Variants in STK40 observed in about 807,000 individuals in gnomAD.
STK40 encodes the protein serine/threonine kinase 40.
Under a neutral mutation model 47.9 loss-of-function variants are expected in STK40, and 13 were observed. That is an observed-to-expected ratio of 0.27 (90% CI 0.18 to 0.43). STK40 has a LOEUF of 0.43. Among genes scored for constraint, STK40 ranks in the 20% least tolerant of loss-of-function variants. STK40 has a pLI of 1.00. For missense variants in STK40, 460 were observed against 595.1 expected, an observed-to-expected ratio of 0.77 and a Z score of 2.36; for synonymous variants, 225 against 243.2, an observed-to-expected ratio of 0.93 and a Z score of 0.69.
intron 4 of STK40, among the ~76,000 whole-genome samples, chr1:36,356,936 A>G (rs1646811263): frequency 6.6e-6 from 1 of 152,146 alleles, no homozygotes; most frequent in South Asian, 2.1e-4. Flanking sequence ...TTATGGGGAT[A>G]CTCTAATTTT....
intron 7 of STK40, among the ~76,000 whole-genome samples, chr1:36,345,874 C>T (rs1005135425): frequency 2.7e-5 from 4 of 149,924 alleles, no homozygotes; most frequent in African/African-American, 5.0e-5. Flanking sequence ...CCTGGGCAGG[C>T]GACCTTCCCT....
intron 1 of STK40, among the ~76,000 whole-genome samples, chr1:36,371,050 T>C (rs982784452): frequency 6.6e-6 from 1 of 151,892 alleles, no homozygotes; most frequent in Non-Finnish European, 1.5e-5. Context: ...TTAATTTTTG[T>C]ATTTTTAGTA....
intron 1 of STK40, chr1:36,366,109 C>A (rs999863962): frequency 6.6e-6 from 1 of 152,404 alleles, no homozygotes; most frequent in African/African-American, 2.4e-5. Flanking sequence ...AGTAAGCCAC[C>A]TCTTTCTTTC....
At chr1:36,342,844 G>A (rs1467489032) in intron 10 of STK40, 1 of 305,178 alleles carries the variant, frequency 3.3e-6, no homozygotes, top group Admixed American at 4.9e-5. Context: ...AATATCCAGG[G>A]CCCAGCAATG....
chr1:36,380,354 T>C (rs1179533476), intron 1 of STK40, among the ~76,000 whole-genome samples: 3 of 152,206 alleles, frequency 2.0e-5, no homozygotes, highest in Non-Finnish European at 4.4e-5. Flanking sequence ...CCCCTCACTA[T>C]AGTCCAATCC....
rs1646826028 is a variant in STK40 at position 36,358,633 on chromosome 1, T to C, written c.198+104A>G. 4 of 1,310,550 alleles carry C rather than the reference T, an allele frequency of 3.1e-6. No individual in the cohort carries two copies. In the Admixed American group the frequency reaches 7.8e-5, roughly 26 times the overall value. The allele number at this position is 1,310,550 out of a possible 1,614,324, so 81.2% of individuals were successfully genotyped here. On this transcript the variant is annotated intron_variant, in intron 3 of 10. Coordinates refer to ENST00000373132, the MANE Select transcript of STK40 (RefSeq NM_001282547.2). Reference sequence around the variant, plus strand: ...ATTGCTTCTCGGGAAGAAATGGCGCTACTCTTGTTCACAATGACGCAGGTG... The same window carrying C: ...ATTGCTTCTCGGGAAGAAATGGCGCCACTCTTGTTCACAATGACGCAGGTG...
chr1:36,360,946 G>A lies in STK40; in HGVS notation c.112+275C>T, dbSNP rs552115597. 2.0e-5 allele frequency among the ~76,000 whole-genome samples: 3 copies of A among 152,320 alleles called. No individual in the cohort carries two copies. The South Asian group carries it at 6.2e-4, about 32-fold the overall frequency. ...ATAGGATTCTCTGGGGGGAGAGTCGGAGCCTAGCTATTGGCTAAGGCTGAT... is the reference window on the plus strand; with the variant it reads ...ATAGGATTCTCTGGGGGGAGAGTCGAAGCCTAGCTATTGGCTAAGGCTGAT... On this transcript the variant is annotated intron_variant, in intron 2 of 10. Coordinates refer to ENST00000373132, the MANE Select transcript of STK40 (RefSeq NM_001282547.2).
At chr1:36,356,569 G>A (rs373728908) in intron 4 of STK40, among the ~76,000 whole-genome samples, 1 of 151,828 alleles carries the variant, frequency 6.6e-6, no homozygotes, top group African/African-American at 2.4e-5. Flanking sequence ...GGGAATACAG[G>A]TGCCCACCAC....
At chr1:36,355,182 C>G (rs61525539) in intron 5 of STK40, 24 bp downstream of exon 5, 455 of 1,609,632 alleles carry the variant, frequency 2.8e-4, no homozygotes, top group Non-Finnish European at 3.5e-4. Context: ...GGCCAGAAGG[C>G]GCAGCAGCAG....
chr1:36,385,054 GA>G (rs1647073681), intron 1 of STK40, among the ~76,000 whole-genome samples: 1 of 152,242 alleles, frequency 6.6e-6, no homozygotes, highest in Non-Finnish European at 1.5e-5. Flanking sequence ...GGGGTGGGCA[GA>G]AAACTCGGCA....
At chr1:36,368,771 A>G (rs1359641442) in intron 1 of STK40, among the ~76,000 whole-genome samples, 1 of 152,228 alleles carries the variant, frequency 6.6e-6, no homozygotes, top group Non-Finnish European at 1.5e-5. Context: ...AAAAGACATG[A>G]TTGGACAACT....
intron 6 of STK40, among the ~76,000 whole-genome samples, chr1:36,350,378 A>T (rs1026516463): frequency 5.3e-5 from 8 of 152,124 alleles, no homozygotes; most frequent in Non-Finnish European, 1.5e-5. Context: ...CTGGTCAGAG[A>T]TGGCCGCGGA....
chr1:36,373,438 A>G (rs1646967031), intron 1 of STK40, among the ~76,000 whole-genome samples: 1 of 152,216 alleles, frequency 6.6e-6, no homozygotes. Context: ...CAAAGCCTAA[A>G]GACTGTGGCC....
At chr1:36,356,421 T>G (rs892517896) in intron 4 of STK40, among the ~76,000 whole-genome samples, 3 of 133,134 alleles carry the variant, frequency 2.3e-5, no homozygotes, top group Admixed American at 1.5e-4. Context: ...TCTTTTTCTT[T>G]TTTTTTTTTT....
At chr1:36,368,988 T>G (rs1646923404) in intron 1 of STK40, among the ~76,000 whole-genome samples, 1 of 152,192 alleles carries the variant, frequency 6.6e-6, no homozygotes, top group Admixed American at 6.5e-5. Context: ...CCTGCTCGAA[T>G]AGCTCCCAAG....
intron 10 of STK40, 145 bp from the exon 11 acceptor site, chr1:36,342,118 G>A (rs1646654793): frequency 1.3e-6 from 1 of 779,218 alleles, no homozygotes. Context: ...CAAGGCCGGG[G>A]GTGGGAGTGG....
chr1:36,349,891 G>A (rs11805720), intron 6 of STK40, among the ~76,000 whole-genome samples: 15,028 of 152,202 alleles, frequency 0.099, 887 homozygotes, highest in Middle Eastern at 0.26. Context: ...TGGCTGGGTG[G>A]AGAAGCTAGG....
intron 1 of STK40, among the ~76,000 whole-genome samples, chr1:36,366,836 CTTTTT>C (rs1170166317): frequency 1.4e-5 from 2 of 139,082 alleles, no homozygotes; most frequent in African/African-American, 2.6e-5. Flanking sequence ...TCTTCTTCTT[CTTTTT>C]TTTTTTTTTT....
chr1:36,376,934 C>T (rs536269201), intron 1 of STK40, among the ~76,000 whole-genome samples: 1 of 151,840 alleles, frequency 6.6e-6, no homozygotes, highest in Non-Finnish European at 1.5e-5. Context: ...CACCACCACA[C>T]CTGGCTTTTT....
Sources: allele counts gnomAD v4.1 joint callset (sites outside exome capture counted in the v4.1 genomes callset), GRCh38; gene constraint gnomAD v4.1.1; transcripts MANE v1.5; gene names NCBI Gene and HGNC (gene_info 2026-07-23, HGNC 2026-07-21).